The following PPP5C variants were observed in gnomAD, a reference collection of about 807,000 sequenced individuals.
PPP5C encodes protein phosphatase 5 catalytic subunit.
A neutral mutation model predicts 66.7 loss-of-function variants in PPP5C; 21 were observed. The ratio of observed to expected loss-of-function variants is 0.31; its 90% CI spans 0.22 to 0.45. PPP5C has a LOEUF of 0.45. PPP5C is among the 20% of genes least tolerant of loss of function. PPP5C has a pLI of 1.00. For missense variants in PPP5C, 464 were observed against 675.9 expected, an observed-to-expected ratio of 0.69 and a Z score of 3.48; for synonymous variants, 246 against 257.4, an observed-to-expected ratio of 0.96 and a Z score of 0.43.
chr19:46,375,572 C>T (rs1341040044), intron 2 of PPP5C, 32 bp from the exon 3 acceptor site: 2 of 1,611,730 alleles, frequency 1.2e-6, no homozygotes, highest in Admixed American at 3.3e-5. Context: ...CCACCTCAGC[C>T]TCAGTGTGCA....
chr19:46,383,662 G>A lies in PPP5C; in HGVS notation c.700-118G>A, dbSNP rs1372598755. On this transcript the variant is annotated intron_variant, in intron 5 of 12. Transcript: ENST00000012443. This position sits in a 1 kb window ranked among gnomAD's most constrained non-coding sequence, Gnocchi z 5.0. ...TGGTCTTCGTTTGTGTTCCCTGCTT[G>A]TGTCTCTTGCATGATTCTTCTTGGT... 1.4e-5 allele frequency: 15 copies of A among 1,038,354 alleles called. No homozygotes were observed. The highest frequency in any genetic ancestry group is 2.2e-5 in the Non-Finnish European group (15 of 694,618). 64.3% of individuals were successfully genotyped at this position (1,038,354 alleles called of 1,614,324 possible).
chr19:46,367,911 G>A (rs895156075), intron 2 of PPP5C, among the ~76,000 whole-genome samples: 3 of 152,186 alleles, frequency 2.0e-5, no homozygotes, highest in Non-Finnish European at 4.4e-5. Context: ...CTCTCAGTGG[G>A]TTGAGTTGGT....
intron 2 of PPP5C, among the ~76,000 whole-genome samples, chr19:46,362,701 T>C (rs904133370): frequency 9.2e-5 from 14 of 152,136 alleles, no homozygotes; most frequent in Non-Finnish European, 1.8e-4. Flanking sequence ...TAGGCAAGTA[T>C]CATAGAAGTA....
intron 2 of PPP5C, among the ~76,000 whole-genome samples, chr19:46,362,441 T>G (rs1972408133): frequency 6.6e-6 from 1 of 152,228 alleles, no homozygotes; most frequent in Non-Finnish European, 1.5e-5. Context: ...AGATATTCAA[T>G]GAATATTTGT....
At position 46,347,264 on chromosome 19, in the gene PPP5C, G is replaced by A. The variant is rs781637493; in HGVS notation, c.121+47G>A. On this transcript the variant is annotated intron_variant, in intron 1 of 12. Coordinates refer to ENST00000012443, the MANE Select transcript of PPP5C (RefSeq NM_006247.4). ...GGTGGACAGTGGCCCAGGCTGAGGG[G>A]TGCCGGGCCCGCGCGGAACCATAGC... The A allele has an allele frequency of 2.6e-6, 4 of 1,550,194 alleles. No homozygotes were observed. The Admixed American group carries it at 5.9e-5, about 23-fold the overall frequency.
rs1972923432 is a variant in PPP5C at position 46,388,086 on chromosome 19, G to A, written c.1136-322G>A. 1 of 347,756 alleles carries A rather than the reference G, an allele frequency of 2.9e-6. No homozygotes were observed. 21.5% of individuals were successfully genotyped at this position (347,756 alleles called of 1,614,324 possible). ...TTTACAGGCCCCAGTGAGGAACTTT[G>A]TTCCTAGGGCAGTGCGGAGCCACCA... On this transcript the variant is annotated intron_variant, in intron 9 of 12. Transcript: ENST00000012443. This position sits in a 1 kb window ranked among gnomAD's most constrained non-coding sequence, Gnocchi z 4.9.
intron 2 of PPP5C, among the ~76,000 whole-genome samples, chr19:46,357,343 C>T (rs1380400181): frequency 6.6e-6 from 1 of 152,158 alleles, no homozygotes; most frequent in South Asian, 2.1e-4. Context: ...CCATGGCACC[C>T]GGCCCCAAAG....
chr19:46,359,318 G>A (rs1290877402), intron 2 of PPP5C, among the ~76,000 whole-genome samples: 4 of 151,982 alleles, frequency 2.6e-5, no homozygotes, highest in Non-Finnish European at 5.9e-5. Context: ...TCATTTTCTC[G>A]GAAGTAAAAC....
At chr19:46,355,953 G>T (rs1043723303) in intron 2 of PPP5C, among the ~76,000 whole-genome samples, 30 of 152,104 alleles carry the variant, frequency 2.0e-4, no homozygotes, top group African/African-American at 7.2e-4. Flanking sequence ...TGCAGGCAGG[G>T]TCTTCGTCAA....
At position 46,367,546 on chromosome 19, in the gene PPP5C, G is replaced by T. The variant is rs543310147; in HGVS notation, c.364-8058G>T. On this transcript the variant is annotated intron_variant, in intron 2 of 12. Coordinates refer to ENST00000012443, the MANE Select transcript of PPP5C (RefSeq NM_006247.4). ...CTTAGGGAAATTGTAATGCTTGAGTGGATTTGTAACTTAAAACCCACTCAC... is the reference window on the plus strand; with the variant it reads ...CTTAGGGAAATTGTAATGCTTGAGTTGATTTGTAACTTAAAACCCACTCAC... Among the ~76,000 whole-genome samples the T allele has an allele frequency of 1.6e-4, 24 of 152,238 alleles. No homozygotes were observed. In the South Asian group the frequency reaches 4.8e-3, roughly 30 times the overall value.
At chr19:46,364,625 TG>T (rs765080685) in intron 2 of PPP5C, among the ~76,000 whole-genome samples, 19 of 152,120 alleles carry the variant, frequency 1.2e-4, no homozygotes, top group Non-Finnish European at 2.2e-4. Flanking sequence ...AGCAGACAGT[TG>T]GAGCATTTAA....
chr19:46,376,778 T>C lies in PPP5C; in HGVS notation c.633+204T>C. ...AGCAGTTTGGGGAGGTGGCAGGCAG[T>C]GCCATTTGACAGATGCAGGGACAAA... is the stretch of plus-strand genomic sequence containing the variant. On this transcript the variant is annotated intron_variant, in intron 4 of 12. Transcript: ENST00000012443. The surrounding 1 kb of genome is among the most constrained non-coding windows in gnomAD (Gnocchi z 5.1). The C allele has an allele frequency of 1.5e-6, 1 of 658,268 alleles. No individual in the cohort carries two copies. The highest frequency in any genetic ancestry group is 2.4e-6 in the Non-Finnish European group (1 of 413,946). The allele number at this position is 658,268 out of a possible 1,614,324, so 40.8% of individuals were successfully genotyped here.
intron 2 of PPP5C, among the ~76,000 whole-genome samples, chr19:46,355,461 G>T (rs547040358): frequency 6.6e-6 from 1 of 152,150 alleles, no homozygotes; most frequent in Admixed American, 6.5e-5. Flanking sequence ...GCTGTTGGCC[G>T]CTGGCCTGGG....
intron 2 of PPP5C, among the ~76,000 whole-genome samples, chr19:46,366,055 G>A (rs1378364972): frequency 1.3e-5 from 2 of 152,162 alleles, no homozygotes; most frequent in East Asian, 3.9e-4. Context: ...TGACAAGAGA[G>A]GGGGTCCAGA....
chr19:46,373,148 C>T (rs1323015167), intron 2 of PPP5C, among the ~76,000 whole-genome samples: 1 of 152,238 alleles, frequency 6.6e-6, no homozygotes, highest in Non-Finnish European at 1.5e-5. Context: ...TCCCAGAGCC[C>T]AGGCTCATAA....
intron 1 of PPP5C, among the ~76,000 whole-genome samples, chr19:46,348,307 A>ATTTT (rs35992791): frequency 9.0e-6 from 1 of 111,264 alleles, no homozygotes; most frequent in Non-Finnish European, 1.8e-5. Flanking sequence ...CCAGTTTGGA[A>ATTTT]TTTTTTTTTT....
intron 11 of PPP5C, among the ~76,000 whole-genome samples, chr19:46,389,850 T>TTCCCCA (rs1403390927): frequency 2.5e-4 from 38 of 151,726 alleles, no homozygotes; most frequent in South Asian, 8.3e-4. Context: ...CCACCCTCTT[T>TTCCCCA]TCCCCATCCC....
At chr19:46,369,793 G>A (rs992329642) in intron 2 of PPP5C, among the ~76,000 whole-genome samples, 2 of 151,904 alleles carry the variant, frequency 1.3e-5, no homozygotes, top group African/African-American at 4.8e-5. Context: ...AGGCGTGGTG[G>A]CATGCTCCTG....
rs766928027 is a variant in PPP5C, at chr19:46,383,306, C to G, written c.634-105C>G. ...CCTTTTTCTTCTCTCCCTGCTTCTC[C>G]CTCGCCCTCAGCCCAGCAGCGTCTC... On this transcript the variant is annotated intron_variant, in intron 4 of 12. Transcript: ENST00000012443. The surrounding 1 kb of genome is among the most constrained non-coding windows in gnomAD (Gnocchi z 5.0). 7.1e-6 allele frequency: 11 copies of G among 1,554,886 alleles called. No homozygotes were observed. The highest frequency in any genetic ancestry group is 7.8e-6 in the Non-Finnish European group (9 of 1,149,326).
Sources: allele counts gnomAD v4.1 joint callset (sites outside exome capture counted in the v4.1 genomes callset), GRCh38; gene constraint gnomAD v4.1.1; non-coding constraint Gnocchi (gnomAD v3.1); transcripts MANE v1.5; gene names NCBI Gene and HGNC (gene_info 2026-07-23, HGNC 2026-07-21).